MSANTD2: variants seen among roughly 807,000 people sequenced by gnomAD.
The protein encoded by MSANTD2 is myb/SANT-like DNA-binding domain-containing protein 2.
A neutral mutation model predicts 52.6 loss-of-function variants in MSANTD2; 19 were observed. The ratio of observed to expected loss-of-function variants is 0.36; its 90% CI spans 0.25 to 0.53. The LOEUF is 0.53. Among genes scored for constraint, MSANTD2 ranks in the 20% least tolerant of loss-of-function variants. MSANTD2 has a pLI of 0.91. For missense variants in MSANTD2, 558 were observed against 716.3 expected (o/e 0.78, Z 2.52); for synonymous variants, 291 against 289.7 (o/e 1.00, Z -0.04).
chr11:124,796,917 G>C (rs1244207808), intron 1 of MSANTD2, among the ~76,000 whole-genome samples: 1 of 152,170 alleles, frequency 6.6e-6, no homozygotes, highest in African/African-American at 2.4e-5. Flanking sequence ...TCAGAGGTTT[G>C]AGATTCTCTG....
rs868593932 is a variant in MSANTD2, at chr11:124,791,847, T to C, written c.510+8024A>G. On this transcript the variant is annotated intron_variant, in intron 1 of 3. Coordinates refer to ENST00000374979, the MANE Select transcript of MSANTD2 (RefSeq NM_001308027.2). ...TTAGGTGCATTCACTGTGTATACTG[T>C]TATGAAAGAGGCTCTACAGCTGGAG... The C allele has an allele frequency of 7.5e-5, 34 of 455,290 alleles. 1 individual carries two copies. Among genetic ancestry groups the C allele is most frequent in the Middle Eastern group, 6.5e-4 (1 of 1,550 alleles). 28.2% of individuals were successfully genotyped at this position (455,290 alleles called of 1,614,324 possible).
At chr11:124,772,297 CTTAA>C (rs371047760) in intron 3 of MSANTD2, among the ~76,000 whole-genome samples, 1 of 152,298 alleles carries the variant, frequency 6.6e-6, no homozygotes, top group African/African-American at 2.4e-5. Flanking sequence ...ATCTTTGTGC[CTTAA>C]TTAAACATCC....
At chr11:124,782,112 G>A (rs748741053) in intron 1 of MSANTD2, among the ~76,000 whole-genome samples, 12 of 152,126 alleles carry the variant, frequency 7.9e-5, no homozygotes, top group Non-Finnish European at 1.5e-4. Context: ...AAAGGTGGGT[G>A]GAATTGCCTA....
At chr11:124,782,676 G>T (rs1382374643) in intron 1 of MSANTD2, among the ~76,000 whole-genome samples, 1 of 152,118 alleles carries the variant, frequency 6.6e-6, no homozygotes, top group Non-Finnish European at 1.5e-5. Context: ...ATGAGGTAAG[G>T]ATTTTATCTA....
intron 1 of MSANTD2, among the ~76,000 whole-genome samples, chr11:124,793,388 T>C (rs1241424878): frequency 6.6e-6 from 1 of 152,188 alleles, no homozygotes; most frequent in Non-Finnish European, 1.5e-5. Context: ...CTCGTATAAA[T>C]TTCCAAACAC....
chr11:124,775,911 C>G (rs933464104), intron 1 of MSANTD2: 1 of 152,188 alleles, frequency 6.6e-6, no homozygotes, highest in Non-Finnish European at 1.5e-5. Context: ...GCCCAGTTTC[C>G]TGAATTTAAT....
At chr11:124,794,290 CTCAT>C (rs1236351900) in intron 1 of MSANTD2, among the ~76,000 whole-genome samples, 1 of 152,210 alleles carries the variant, frequency 6.6e-6, no homozygotes, top group Non-Finnish European at 1.5e-5. Flanking sequence ...CAGAATTCTA[CTCAT>C]TCAGTTTTAA....
chr11:124,792,648 T>C (rs1945368524), intron 1 of MSANTD2: 1 of 152,226 alleles, frequency 6.6e-6, no homozygotes, highest in Non-Finnish European at 1.5e-5. Context: ...TTCACAATAT[T>C]GTAATTGGTT....
At chr11:124,772,339 T>TA (rs1944556677) in intron 3 of MSANTD2, among the ~76,000 whole-genome samples, 1 of 152,168 alleles carries the variant, frequency 6.6e-6, no homozygotes, top group African/African-American at 2.4e-5. Flanking sequence ...CACAGGCAAA[T>TA]ACCAAAAACA....
chr11:124,777,493 T>C lies in MSANTD2; in HGVS notation c.511-2519A>G, dbSNP rs149529376. 2.4e-4 allele frequency among the ~76,000 whole-genome samples: 36 copies of C among 152,368 alleles called. No individual in the cohort carries two copies. In the East Asian group the frequency reaches 5.6e-3, roughly 24 times the overall value. On this transcript the variant is annotated intron_variant, in intron 1 of 3. Coordinates refer to ENST00000374979, the MANE Select transcript of MSANTD2 (RefSeq NM_001308027.2). ...AACCACAGCAAAGACTCTTACTCTCTTTGGAACCACCAAATTGAGCTTAAT... is the reference window on the plus strand; with the variant it reads ...AACCACAGCAAAGACTCTTACTCTCCTTGGAACCACCAAATTGAGCTTAAT...
intron 1 of MSANTD2, among the ~76,000 whole-genome samples, chr11:124,797,109 G>T (rs912095465): frequency 6.6e-6 from 1 of 152,088 alleles, no homozygotes; most frequent in Non-Finnish European, 1.5e-5. Flanking sequence ...CTGTTTTTTC[G>T]TTAAACAGCA....
chr11:124,776,717 CAT>C (rs1944759960), intron 1 of MSANTD2, among the ~76,000 whole-genome samples: 1 of 152,214 alleles, frequency 6.6e-6, no homozygotes, highest in African/African-American at 2.4e-5. Flanking sequence ...AAAAGCACGA[CAT>C]GTGTGATGAT....
At chr11:124,778,697 G>C (rs928718381) in intron 1 of MSANTD2, among the ~76,000 whole-genome samples, 1 of 152,208 alleles carries the variant, frequency 6.6e-6, no homozygotes, top group African/African-American at 2.4e-5. Context: ...AAGAGCCAGA[G>C]AAAAGACTTC....
chr11:124,783,831 C>T, intron 1 of MSANTD2: 1 of 985,348 alleles, frequency 1.0e-6, no homozygotes, highest in Non-Finnish European at 1.2e-6. Context: ...TTCCATGGCT[C>T]AAGGAACTCA....
intron 3 of MSANTD2, among the ~76,000 whole-genome samples, chr11:124,768,634 G>T (rs1398417885): frequency 6.6e-6 from 1 of 152,142 alleles, no homozygotes; most frequent in East Asian, 1.9e-4. Flanking sequence ...CTATTTGTCT[G>T]AAATTCATTA....
At chr11:124,799,815 C>G in intron 1 of MSANTD2, 56 bp downstream of exon 1, 2 of 1,398,928 alleles carry the variant, frequency 1.4e-6, no homozygotes, top group Non-Finnish European at 1.9e-6. Flanking sequence ...CCGAGGCCCG[C>G]TTCCCCGCCT....
chr11:124,788,422 AC>A (rs1945231975), intron 1 of MSANTD2, among the ~76,000 whole-genome samples: 1 of 152,256 alleles, frequency 6.6e-6, no homozygotes, highest in African/African-American at 2.4e-5. Flanking sequence ...TTGAAAAATA[AC>A]AAAAGGTTTC....
intron 1 of MSANTD2, among the ~76,000 whole-genome samples, chr11:124,796,079 T>G (rs1945482629): frequency 6.6e-6 from 1 of 152,250 alleles, no homozygotes; most frequent in Non-Finnish European, 1.5e-5. Flanking sequence ...TAAAATCTTG[T>G]GTGCTTAGAA....
Position 124,773,059 on chromosome 11 carries a change from A to C in MSANTD2, c.767-5T>G. On this transcript the variant is annotated splice_polypyrimidine_tract_variant and splice_region_variant and intron_variant, in intron 2 of 3. Coordinates refer to ENST00000374979, the MANE Select transcript of MSANTD2 (RefSeq NM_001308027.2). Reference sequence around the variant, plus strand: ...TCTTTGTGACAGGTATTTCATCTGAAAAGCAAAGATTTTGAAAAAAGTTAT... The same window carrying C: ...TCTTTGTGACAGGTATTTCATCTGACAAGCAAAGATTTTGAAAAAAGTTAT... 2 of 1,574,262 alleles carry C rather than the reference A, an allele frequency of 1.3e-6. No homozygotes were observed. The highest frequency in any genetic ancestry group is 1.7e-6 in the Non-Finnish European group (2 of 1,144,736).
Sources: gnomAD v4.1 joint callset for allele counts (sites outside exome capture counted in the v4.1 genomes callset) on GRCh38, gnomAD v4.1.1 for gene constraint, MANE v1.5 for transcripts, NCBI Gene and HGNC (gene_info 2026-07-23, HGNC 2026-07-21) for gene names.